The following LSMEM2 variants were observed in gnomAD, a reference collection of about 807,000 sequenced individuals.
The protein encoded by LSMEM2 is leucine-rich single-pass membrane protein 2.
In LSMEM2, 20 loss-of-function variants were observed where a neutral mutation model predicts 17.3. That is an observed-to-expected ratio of 1.16 (90% CI 0.81 to 1.68). The LOEUF (loss-of-function observed/expected upper bound fraction) is 1.68, where lower values mean the gene tolerates loss of function less well. Among genes scored for constraint, LSMEM2 ranks in the 40% most tolerant of loss-of-function variants. LSMEM2 has a pLI of 0.00. For missense variants in LSMEM2, 207 were observed against 214.3 expected (o/e 0.97, Z 0.21); for synonymous variants, 94 against 97.8 (o/e 0.96, Z 0.23).
Position 50,280,177 on chromosome 3 carries a change from C to CTTTTT in LSMEM2, c.58+1015_58+1019dup, listed in dbSNP as rs10656924. Among the ~76,000 whole-genome samples, 43 of 117,628 alleles carry CTTTTT rather than the reference C, an allele frequency of 3.7e-4. 9 individuals are homozygous for CTTTTT. Among genetic ancestry groups the CTTTTT allele is most frequent in the Admixed American group, 8.5e-4 (9 of 10,536 alleles). 77.2% of individuals were successfully genotyped at this position (117,628 alleles called of 152,430 possible). On this transcript the variant is annotated intron_variant, in intron 1 of 3. Coordinates refer to ENST00000316436, the MANE Select transcript of LSMEM2 (RefSeq NM_153215.3). ...GGTGAGCCACCGCGCCTGGCCTCAACTTTTTTTTTTTTTGTCACCCAGGCT... is the reference window on the plus strand; with the variant it reads ...GGTGAGCCACCGCGCCTGGCCTCAACTTTTTTTTTTTTTTTTTTGTCACCCAGGCT...
intron 1 of LSMEM2, among the ~76,000 whole-genome samples, chr3:50,281,670 A>ATTTT (rs144025924): frequency 9.4e-5 from 9 of 95,490 alleles, no homozygotes; most frequent in South Asian, 3.2e-4. Context: ...GCAGCAGGGA[A>ATTTT]TTTTTTTTTT....
chr3:50,279,097 T>C lies in LSMEM2; in HGVS notation c.-17T>C, dbSNP rs1701334055. 4.3e-6 allele frequency: 7 copies of C among 1,614,038 alleles called. No individual in the cohort carries two copies. Among genetic ancestry groups the C allele is most frequent in the Non-Finnish European group, 5.9e-6 (7 of 1,179,918 alleles). On this transcript the variant is annotated 5_prime_UTR_variant, in exon 1 of 4. Transcript: ENST00000316436. ...CACAAAGGAGCCACTGCTGCATTTG[T>C]CCAGTCCTGCTACTGGATGCCATCA... is the stretch of plus-strand genomic sequence containing the variant.
rs374847344 is a variant in LSMEM2 at position 50,286,458 on chromosome 3, G to A, written c.59-13G>A. 29 of 1,586,028 alleles carry A rather than the reference G, an allele frequency of 1.8e-5. No homozygotes were observed. The highest frequency in any genetic ancestry group is 6.8e-5 in the East Asian group (3 of 43,946). On this transcript the variant is annotated splice_polypyrimidine_tract_variant and intron_variant, in intron 1 of 3. Coordinates refer to ENST00000316436, the MANE Select transcript of LSMEM2 (RefSeq NM_153215.3). ...CCCACCACTGGCTAAATCAGCCTGC[G>A]CTGCCCCTGCAGACTCCGTGGCGCC...
chr3:50,281,777 C>T (rs587716654), intron 1 of LSMEM2, among the ~76,000 whole-genome samples: 21 of 149,514 alleles, frequency 1.4e-4, no homozygotes, highest in African/African-American at 5.2e-4. Context: ...TTCCTGGACT[C>T]AAGCAACCCT....
chr3:50,278,524 A>C (rs1414606572), upstream of LSMEM2, among the ~76,000 whole-genome samples: 2 of 152,194 alleles, frequency 1.3e-5, no homozygotes, highest in African/African-American at 4.8e-5. Context: ...GCTTAGTAAC[A>C]AATGAACCAG....
At chr3:50,286,985 C>T (rs879962644) in intron 3 of LSMEM2, 84 bp from the exon 4 acceptor site, 335 of 1,592,422 alleles carry the variant, frequency 2.1e-4, no homozygotes, top group Middle Eastern at 6.7e-4. Context: ...GCGGGAGGCC[C>T]GTGGCTGCCC....
At chr3:50,280,305 C>T (rs1362946717) in intron 1 of LSMEM2, among the ~76,000 whole-genome samples, 1 of 151,474 alleles carries the variant, frequency 6.6e-6, no homozygotes, top group Non-Finnish European at 1.5e-5. Context: ...CAGGCATGTG[C>T]TACCATGCCC....
At chr3:50,279,286 A>G in intron 1 of LSMEM2, 115 bp downstream of exon 1, 1 of 939,042 alleles carries the variant, frequency 1.1e-6, no homozygotes, top group Middle Eastern at 2.1e-4. Flanking sequence ...TTAGTTACCC[A>G]TTTTCATGCT....
chr3:50,281,235 A>G (rs1345684157), intron 1 of LSMEM2, among the ~76,000 whole-genome samples: 4 of 140,042 alleles, frequency 2.9e-5, no homozygotes, highest in African/African-American at 1.1e-4. Flanking sequence ...TTTGTTTTGA[A>G]TTTTTTAGTA....
chr3:50,286,179 C>CTGA (rs1553708387), intron 1 of LSMEM2, among the ~76,000 whole-genome samples: 1 of 152,164 alleles, frequency 6.6e-6, no homozygotes, highest in African/African-American at 2.4e-5. Context: ...GCATTCAAGG[C>CTGA]TGATAAACTG....
chr3:50,280,934 GC>G (rs1419190938), intron 1 of LSMEM2, among the ~76,000 whole-genome samples: 6 of 152,056 alleles, frequency 3.9e-5, no homozygotes, highest in African/African-American at 1.4e-4. Flanking sequence ...AGAGGCATAA[GC>G]CACTGTGCCT....
chr3:50,282,375 G>C (rs1032590696), intron 1 of LSMEM2, among the ~76,000 whole-genome samples: 2 of 152,234 alleles, frequency 1.3e-5, no homozygotes, highest in South Asian at 4.2e-4. Flanking sequence ...ACTTGCTTTT[G>C]AGCACGTCAA....
At chr3:50,282,783 A>G (rs1442033333) in intron 1 of LSMEM2, among the ~76,000 whole-genome samples, 2 of 148,692 alleles carry the variant, frequency 1.3e-5, no homozygotes, top group African/African-American at 5.0e-5. Context: ...TACTGGGGAG[A>G]CGAGGCAGGA....
Position 50,283,456 on chromosome 3 carries a change from T to A in LSMEM2, c.59-3015T>A, listed in dbSNP as rs9758259. 2.2e-3 allele frequency among the ~76,000 whole-genome samples: 333 copies of A among 151,788 alleles called. 1 individual carries two copies. The highest frequency in any genetic ancestry group is 7.7e-3 in the African/African-American group (319 of 41,372). On this transcript the variant is annotated intron_variant, in intron 1 of 3. Transcript: ENST00000316436. Reference sequence around the variant, plus strand: ...TCCTGGCTAACATGGTGAAACCCCATCTCTACTAAAAATACAAAAAATTAG... The same window carrying A: ...TCCTGGCTAACATGGTGAAACCCCAACTCTACTAAAAATACAAAAAATTAG...
chr3:50,283,286 G>A (rs1340149757), intron 1 of LSMEM2, among the ~76,000 whole-genome samples: 1 of 152,094 alleles, frequency 6.6e-6, no homozygotes, highest in African/African-American at 2.4e-5. Flanking sequence ...GAGGTCAGGA[G>A]TTCAAGACCA....
Position 50,287,351 on chromosome 3 carries a change from G to T in LSMEM2, c.*149G>T, listed in dbSNP as rs1295620970. On this transcript the variant is annotated 3_prime_UTR_variant, in exon 4 of 4. Transcript: ENST00000316436. ...TACAAGAACCTGTTGTTAACTTAAT[G>T]GCTGCCTCCCTCTCCTGATCTCTTC... The T allele has an allele frequency of 9.5e-7, 1 of 1,057,964 alleles. No homozygotes were observed. The highest frequency in any genetic ancestry group is 1.4e-6 in the Non-Finnish European group (1 of 729,888). 65.5% of individuals were successfully genotyped at this position (1,057,964 alleles called of 1,614,324 possible).
At chr3:50,285,679 C>A (rs1211393423) in intron 1 of LSMEM2, among the ~76,000 whole-genome samples, 1 of 152,272 alleles carries the variant, frequency 6.6e-6, no homozygotes, top group Non-Finnish European at 1.5e-5. Context: ...GCTCTTGGAT[C>A]CAGTAATTCC....
chr3:50,282,958 G>A (rs1701433758), intron 1 of LSMEM2, among the ~76,000 whole-genome samples: 1 of 151,750 alleles, frequency 6.6e-6, no homozygotes, highest in African/African-American at 2.4e-5. Flanking sequence ...AGGCTGAGGT[G>A]AGCAGATCAC....
In LSMEM2 at chr3:50,288,101, CAA is replaced by C. The variant is rs1439173563; in HGVS notation, c.*901_*902del. 6.8e-6 allele frequency: 8 copies of C among 1,184,096 alleles called. No homozygotes were observed. The highest frequency in any genetic ancestry group is 9.8e-6 in the Non-Finnish European group (8 of 815,578). 73.3% of individuals were successfully genotyped at this position (1,184,096 alleles called of 1,614,324 possible). A position where few individuals can be genotyped will look rare whatever the true frequency, so the allele number is the denominator to read the frequency against. On this transcript the variant is annotated 3_prime_UTR_variant, in exon 4 of 4. Transcript: ENST00000316436. ...TTTGTCATTAAAAAAAATAAAGTGA[CAA>C]ATACTGGTGGAGACCAGTTGTTGCA...
Sources: allele counts gnomAD v4.1 joint callset (sites outside exome capture counted in the v4.1 genomes callset), GRCh38; gene constraint gnomAD v4.1.1; transcripts MANE v1.5; gene names NCBI Gene and HGNC (gene_info 2026-07-23, HGNC 2026-07-21).